SERGEF: variants seen among roughly 807,000 people sequenced by gnomAD.
SERGEF encodes the protein secretion regulating guanine nucleotide exchange factor, also known as secretion-regulating guanine nucleotide exchange factor.
In SERGEF, 51 loss-of-function variants were observed where a neutral mutation model predicts 50.0. The observed-to-expected ratio is 1.02, with a 90% confidence interval of 0.81 to 1.29. SERGEF has a LOEUF of 1.29. Ranked by LOEUF, SERGEF falls within the 50% of genes most tolerant of loss-of-function variation. The pLI is 0.00. For synonymous variants in SERGEF, 205 were observed against 212.4 expected (o/e 0.97, Z 0.30); for missense variants, 521 against 557.0 (o/e 0.94, Z 0.65).
At chr11:18,000,201 A>T (rs1853930874) in intron 5 of SERGEF, among the ~76,000 whole-genome samples, 1 of 152,250 alleles carries the variant, frequency 6.6e-6, no homozygotes, top group Non-Finnish European at 1.5e-5. Context: ...TAATCCCAGT[A>T]CTTTGGAAGG....
chr11:17,972,011 C>G (rs1853257280), intron 8 of SERGEF, among the ~76,000 whole-genome samples: 1 of 152,188 alleles, frequency 6.6e-6, no homozygotes, highest in Non-Finnish European at 1.5e-5. Context: ...AGCAATACAA[C>G]TAGAATTATA....
intron 1 of SERGEF, chr11:18,010,287 G>C (rs1854169388): frequency 3.6e-6 from 1 of 276,726 alleles, no homozygotes; most frequent in Non-Finnish European, 7.0e-6. Context: ...AGCCATAGCA[G>C]GGGCATAAGT....
At chr11:17,924,013 G>T (rs1852207098) in intron 9 of SERGEF, among the ~76,000 whole-genome samples, 1 of 152,132 alleles carries the variant, frequency 6.6e-6, no homozygotes, top group South Asian at 2.1e-4. Flanking sequence ...CAATTTCCTA[G>T]TCTGTAGAGT....
chr11:17,946,994 C>T (rs1036053628), intron 9 of SERGEF, among the ~76,000 whole-genome samples: 11 of 152,148 alleles, frequency 7.2e-5, no homozygotes, highest in African/African-American at 2.7e-4. Context: ...GGGTAAGACA[C>T]ACAAAAAATC....
At chr11:17,964,498 A>G (rs2093633262) in intron 8 of SERGEF, among the ~76,000 whole-genome samples, 1 of 152,190 alleles carries the variant, frequency 6.6e-6, no homozygotes, top group South Asian at 2.1e-4. Flanking sequence ...AGGATCATCC[A>G]TATTTTCTTG....
At chr11:17,900,976 T>C (rs1047839140) in intron 9 of SERGEF, among the ~76,000 whole-genome samples, 1 of 152,196 alleles carries the variant, frequency 6.6e-6, no homozygotes. Context: ...GCAATTCACC[T>C]GCACCTAAAA....
chr11:17,914,824 AG>A (rs1217697228), intron 9 of SERGEF, among the ~76,000 whole-genome samples: 3 of 152,184 alleles, frequency 2.0e-5, no homozygotes, highest in Non-Finnish European at 2.9e-5. Flanking sequence ...GCACTGTTCT[AG>A]GCACTGTAAT....
In SERGEF at chr11:17,840,284, G is replaced by A. The variant is rs142191995; in HGVS notation, c.1048+37924C>T. ...CCAGCTCCCTTTTGTGATGGTAATC[G>A]CGGTTCCAAATTCATGTGGCTTGTG... On this transcript the variant is annotated intron_variant, in intron 10 of 10. Transcript: ENST00000265965. 1.7e-3 allele frequency among the ~76,000 whole-genome samples: 254 copies of A among 152,274 alleles called. 1 individual carries two copies. Among genetic ancestry groups the A allele is most frequent in the Non-Finnish European group, 3.0e-3 (206 of 68,016 alleles).
At chr11:17,898,821 T>C (rs1007536340) in intron 9 of SERGEF, among the ~76,000 whole-genome samples, 1 of 152,242 alleles carries the variant, frequency 6.6e-6, no homozygotes, top group Non-Finnish European at 1.5e-5. Context: ...GGTTTGGTTC[T>C]GTGTCCCCAC....
intron 10 of SERGEF, chr11:17,846,897 G>GC (rs1850624108): frequency 2.6e-6 from 1 of 381,204 alleles, no homozygotes; most frequent in South Asian, 2.0e-5. Flanking sequence ...GAAGACTAGG[G>GC]CCCAAGACCT....
rs58279017 is a variant in SERGEF, at chr11:17,888,628, TACACACACACACACACACACAC to T, written c.1012-10406_1012-10385del. 5.7e-4 allele frequency among the ~76,000 whole-genome samples: 82 copies of T among 143,866 alleles called. No individual in the cohort carries two copies. The highest frequency in any genetic ancestry group is 9.4e-4 in the South Asian group (4 of 4,268). The allele number at this position is 143,866 out of a possible 152,430, so 94.4% of individuals were successfully genotyped here. A position where few individuals can be genotyped will look rare whatever the true frequency, so the allele number is the denominator to read the frequency against. On this transcript the variant is annotated intron_variant, in intron 9 of 10. Coordinates refer to ENST00000265965, the MANE Select transcript of SERGEF (RefSeq NM_012139.4). The surrounding 1 kb of genome is among the most constrained non-coding windows in gnomAD (Gnocchi z 4.1). ...AGTTATCAGTATGAACTCACAGTTT[TACACACACACACACACACACAC>T]ACACACACACACACACACACACACA...
intron 1 of SERGEF, 165 bp downstream of exon 1, chr11:18,012,786 C>T: frequency 3.5e-6 from 4 of 1,158,430 alleles, no homozygotes; most frequent in Middle Eastern, 2.7e-4. Flanking sequence ...CCCGCCCGCC[C>T]GCTCCTCCTC....
chr11:17,795,659 G>A (rs1268605975), intron 10 of SERGEF, among the ~76,000 whole-genome samples: 5 of 152,212 alleles, frequency 3.3e-5, no homozygotes, highest in Admixed American at 2.6e-4. Flanking sequence ...CACCCAGGCT[G>A]TTCACATTGC....
At chr11:17,876,484 C>A (rs553997033) in intron 10 of SERGEF, among the ~76,000 whole-genome samples, 1 of 152,368 alleles carries the variant, frequency 6.6e-6, no homozygotes, top group Admixed American at 6.5e-5. Context: ...GAATTTATAT[C>A]TGCCAGCCAT....
intron 1 of SERGEF, chr11:18,010,487 T>C (rs1281943324): frequency 6.4e-6 from 1 of 155,660 alleles, no homozygotes; most frequent in South Asian, 2.0e-4. Flanking sequence ...AAAAGTCTGA[T>C]GCCCTGCACC....
intron 9 of SERGEF, among the ~76,000 whole-genome samples, chr11:17,955,360 C>G (rs942914676): frequency 6.6e-6 from 1 of 152,170 alleles, no homozygotes; most frequent in Non-Finnish European, 1.5e-5. Context: ...TTGTATCCAC[C>G]TCCCCATCCA....
intron 10 of SERGEF, among the ~76,000 whole-genome samples, chr11:17,801,194 CAA>C (rs145154751): frequency 7.6e-6 from 1 of 131,980 alleles, no homozygotes. Flanking sequence ...GACTCCGTCT[CAA>C]AAAAAAAAAA....
chr11:18,000,684 C>T, intron 4 of SERGEF, 127 bp from the exon 5 acceptor site: 1 of 740,600 alleles, frequency 1.4e-6, no homozygotes, highest in Non-Finnish European at 2.5e-6. Flanking sequence ...CAACCACTCC[C>T]CCCAATATTT....
chr11:17,836,571 A>G (rs969548899), intron 10 of SERGEF, among the ~76,000 whole-genome samples: 1 of 152,186 alleles, frequency 6.6e-6, no homozygotes, highest in Admixed American at 6.5e-5. Context: ...TACCCTCAAC[A>G]TGCCACACAA....
Sources: allele counts gnomAD v4.1 joint callset (sites outside exome capture counted in the v4.1 genomes callset), GRCh38; gene constraint gnomAD v4.1.1; non-coding constraint Gnocchi (gnomAD v3.1); transcripts MANE v1.5; gene names NCBI Gene and HGNC (gene_info 2026-07-23, HGNC 2026-07-21).